The following MCRIP1 variants were observed in gnomAD, a reference collection of about 807,000 sequenced individuals.
MCRIP1 encodes MAPK regulated corepressor interacting protein 1, also known as mapk-regulated corepressor-interacting protein 1.
MCRIP1 carries 10 observed loss-of-function variants against 14.4 expected under a neutral mutation model. The observed-to-expected ratio is 0.70, with a 90% CI of 0.43 to 1.18. The LOEUF is 1.18. Ranked by LOEUF, MCRIP1 falls within the 50% of genes most tolerant of loss-of-function variation. MCRIP1 has a pLI of 0.00. For synonymous variants in MCRIP1, 53 were observed against 55.7 expected (o/e 0.95, Z 0.21); for missense variants, 119 against 135.4 (o/e 0.88, Z 0.60).
chr17:81,827,420 C>T (rs868699011), intron 1 of MCRIP1, among the ~76,000 whole-genome samples: 1 of 151,750 alleles, frequency 6.6e-6, no homozygotes, highest in African/African-American at 2.4e-5. Flanking sequence ...TACAGAAGCC[C>T]GCCACCACGC....
chr17:81,822,736 G>A lies in MCRIP1; in HGVS notation c.*511C>T, dbSNP rs750237145. On this transcript the variant is annotated 3_prime_UTR_variant, in exon 5 of 5. Coordinates refer to ENST00000455127, the MANE Select transcript of MCRIP1 (RefSeq NM_207368.5). ...CAGGCTGGACGGTAGGGGTAGGTGT[G>A]AGAAGCTCCCCAGCGTGTCCAGGCC... The A allele has an allele frequency of 9.5e-5, 17 of 178,192 alleles. 1 individual carries two copies. Among genetic ancestry groups the A allele is most frequent in the Admixed American group, 2.2e-4 (4 of 18,320 alleles). 11.0% of individuals were successfully genotyped at this position (178,192 alleles called of 1,614,324 possible). A position where few individuals can be genotyped will look rare whatever the true frequency, so the allele number is the denominator to read the frequency against.
intron 1 of MCRIP1, among the ~76,000 whole-genome samples, chr17:81,831,851 C>T (rs1363604273): frequency 2.0e-5 from 3 of 152,136 alleles, no homozygotes; most frequent in African/African-American, 4.8e-5. Flanking sequence ...CTACTGATAC[C>T]CATGTGGCTT....
At chr17:81,828,593 G>A (rs2038458638) in intron 1 of MCRIP1, among the ~76,000 whole-genome samples, 2 of 152,128 alleles carry the variant, frequency 1.3e-5, no homozygotes, top group African/African-American at 4.8e-5. Context: ...GGGTAGCAAT[G>A]CACACCTGGC....
At chr17:81,824,263 G>C (rs2038335948) in intron 3 of MCRIP1, 24 bp downstream of exon 3, 1 of 1,502,236 alleles carries the variant, frequency 6.7e-7, no homozygotes, top group South Asian at 1.2e-5. Flanking sequence ...CAGGGCAGGA[G>C]CTGTGTGTGG....
chr17:81,825,562 C>T (rs972969583), intron 1 of MCRIP1: 3 of 1,287,946 alleles, frequency 2.3e-6, no homozygotes, highest in African/African-American at 3.0e-5. Context: ...GCCAGGAGCA[C>T]TGAGGCTTCG....
intron 1 of MCRIP1, chr17:81,825,875 GT>G: frequency 7.7e-6 from 10 of 1,290,556 alleles, no homozygotes; most frequent in Non-Finnish European, 1.0e-5. Context: ...GGAAAGGCCT[GT>G]TTGGGTTGAG....
At chr17:81,825,808 T>A (rs1567825200) in intron 1 of MCRIP1, 1 of 1,289,306 alleles carries the variant, frequency 7.8e-7, no homozygotes, top group Non-Finnish European at 1.0e-6. Context: ...GACTCTGGGG[T>A]CTCTCTGCCC....
Position 81,824,536 on chromosome 17 carries a change from C to T in MCRIP1, c.-30G>A, listed in dbSNP as rs1483934312. On this transcript the variant is annotated 5_prime_UTR_variant, in exon 2 of 5. Transcript: ENST00000455127. ...GGGGCGTCTGATCCTAGCGCTCCAC[C>T]GCCAGATCCCCTCAGCCTCTGAAAC... 15 of 1,535,950 alleles carry T rather than the reference C, an allele frequency of 9.8e-6. No homozygotes were observed. The highest frequency in any genetic ancestry group is 1.7e-4 in the Middle Eastern group (1 of 5,986).
In MCRIP1 at chr17:81,823,466, C is replaced by T; in HGVS notation, c.175G>A (p.Glu59Lys). Residue 59 changes from glutamate to lysine, a missense_variant, in exon 4 of 5, where the codon GAG becomes AAG. Glu to Lys is a moderately conservative substitution (Grantham distance 56). Coordinates refer to ENST00000455127, the MANE Select transcript of MCRIP1 (RefSeq NM_207368.5). This position sits in a 1 kb window ranked among gnomAD's most constrained non-coding sequence, Gnocchi z 6.0. ...ACATACTCCTCCACCAGGCCCCGCT[C>T]GCCACCCGGCACCTGGCCTCGCAGG... ...RDLRGQVPGG[E>K]RGLVEEYVEK... 9.8e-6 allele frequency: 15 copies of T among 1,536,714 alleles called. No individual in the cohort carries two copies. The Middle Eastern group carries it at 5.0e-4, about 51-fold the overall frequency.
intron 1 of MCRIP1, chr17:81,825,999 A>C (rs1419932090): frequency 7.4e-7 from 1 of 1,356,478 alleles, no homozygotes; most frequent in Admixed American, 2.2e-5. Context: ...GGCTCTCACC[A>C]CTGACCGACT....
chr17:81,831,272 C>T lies in MCRIP1; in HGVS notation c.-49+1966G>A, dbSNP rs972712566. Among the ~76,000 whole-genome samples the T allele has an allele frequency of 4.0e-5, 6 of 151,302 alleles. No homozygotes were observed. In the South Asian group the frequency reaches 1.3e-3, roughly 32 times the overall value. On this transcript the variant is annotated intron_variant, in intron 1 of 4. Coordinates refer to ENST00000455127, the MANE Select transcript of MCRIP1 (RefSeq NM_207368.5). ...GGAGAATCGCTTTATACCCAGGAGG[C>T]GCAGGTTGCAGTGAGCAGAGACCAT...
chr17:81,824,694 C>T, intron 1 of MCRIP1, 140 bp from the exon 2 acceptor site: 1 of 1,468,630 alleles, frequency 6.8e-7, no homozygotes, highest in South Asian at 1.4e-5. Context: ...AGGGTGTCCC[C>T]CACAGGCTGG....
intron 1 of MCRIP1, among the ~76,000 whole-genome samples, chr17:81,830,629 C>T (rs2038498301): frequency 6.6e-6 from 1 of 151,754 alleles, no homozygotes; most frequent in Non-Finnish European, 1.5e-5. Flanking sequence ...AAGAGTGAGA[C>T]TTCATCTCAA....
Position 81,824,411 on chromosome 17 carries a change from G to C in MCRIP1, c.9-6C>G, listed in dbSNP as rs1189424252. ...CGACTCTGGAGACGGGGGAGCTGGG[G>C]GAGCCTGGCGCATGAGACAGGGCAC... On this transcript the variant is annotated splice_region_variant and splice_polypyrimidine_tract_variant and intron_variant, in intron 2 of 4. Coordinates refer to ENST00000455127, the MANE Select transcript of MCRIP1 (RefSeq NM_207368.5). 1.3e-6 allele frequency: 2 copies of C among 1,533,640 alleles called. No individual in the cohort carries two copies. Among genetic ancestry groups the C allele is most frequent in the Admixed American group, 2.0e-5 (1 of 50,670 alleles).
chr17:81,827,479 G>T (rs1446964825), intron 1 of MCRIP1, among the ~76,000 whole-genome samples: 1 of 151,704 alleles, frequency 6.6e-6, no homozygotes, highest in Non-Finnish European at 1.5e-5. Context: ...CGTCCTGTTA[G>T]CCAGGATGGT....
In MCRIP1 at chr17:81,823,851, G is replaced by A. The variant is rs150066372; in HGVS notation, c.128-338C>T. The stretch of plus-strand genomic sequence containing the variant: ...CCCACCTCATCCACGCACCTCCCCG[G>A]CCCCAGCACACGGCACACTCCCCTA... On this transcript the variant is annotated intron_variant, in intron 3 of 4. Coordinates refer to ENST00000455127, the MANE Select transcript of MCRIP1 (RefSeq NM_207368.5). This position sits in a 1 kb window ranked among gnomAD's most constrained non-coding sequence, Gnocchi z 6.0. 1.2e-3 allele frequency: 670 copies of A among 549,630 alleles called. 2 individuals are homozygous for A. Among genetic ancestry groups the A allele is most frequent in the African/African-American group, 0.012 (618 of 52,968 alleles). 34.0% of individuals were successfully genotyped at this position (549,630 alleles called of 1,614,324 possible). A position where few individuals can be genotyped will look rare whatever the true frequency, so the allele number is the denominator to read the frequency against.
Position 81,827,911 on chromosome 17 carries a change from G to A in MCRIP1, c.-48-3357C>T, listed in dbSNP as rs373544058. Among the ~76,000 whole-genome samples, 10 of 150,756 alleles carry A rather than the reference G, an allele frequency of 6.6e-5. 1 individual carries two copies. In the South Asian group the frequency reaches 1.1e-3, roughly 16 times the overall value. ...TTCTCCTGCCTCAGCCTCTCGAGTC[G>A]CTGGGACTATAGGCGCCCGCCACCA... is the stretch of plus-strand genomic sequence containing the variant. On this transcript the variant is annotated intron_variant, in intron 1 of 4. Transcript: ENST00000455127.
intron 1 of MCRIP1, chr17:81,824,896 A>G: frequency 8.5e-7 from 1 of 1,180,410 alleles, no homozygotes; most frequent in Non-Finnish European, 1.1e-6. Flanking sequence ...GCCCCTCCCC[A>G]CGTGGGCTGG....
chr17:81,828,988 G>A (rs1006781311), intron 1 of MCRIP1, among the ~76,000 whole-genome samples: 2 of 152,160 alleles, frequency 1.3e-5, no homozygotes, highest in African/African-American at 4.8e-5. Context: ...GCAGCAGGCT[G>A]GTGTCTGGCT....
Sources: allele counts gnomAD v4.1 joint callset (sites outside exome capture counted in the v4.1 genomes callset), GRCh38; gene constraint gnomAD v4.1.1; non-coding constraint Gnocchi (gnomAD v3.1); transcripts MANE v1.5; gene names NCBI Gene and HGNC (gene_info 2026-07-23, HGNC 2026-07-21).